Variants in PRSS12 observed in about 807,000 individuals in gnomAD.
PRSS12 encodes neurotrypsin.
A neutral mutation model predicts 104.4 loss-of-function variants in PRSS12; 85 were observed. The observed-to-expected ratio is 0.81, with a 90% CI of 0.68 to 0.98. The LOEUF is 0.98. Ranked by LOEUF, PRSS12 falls within the 50% of genes least tolerant of loss-of-function variation. PRSS12 has a pLI of 0.00. For missense variants in PRSS12, 1,141 were observed against 1,139.2 expected (o/e 1.00, Z -0.02); for synonymous variants, 454 against 425.2 (o/e 1.07, Z -0.83).
In PRSS12 at chr4:118,282,171, T is replaced by C. The variant is rs199612460; in HGVS notation, c.2393A>G (p.Tyr798Cys). The C allele has an allele frequency of 5.5e-5, 88 of 1,614,226 alleles. No homozygotes were observed. The Admixed American group carries it at 8.5e-4, about 16-fold the overall frequency. Residue 798 changes from tyrosine to cysteine, a missense_variant, in exon 13 of 13, where the codon TAT becomes TGT. Transcript: ENST00000296498. ...LLPKRFCEERYKGRFTGRMLC... is the reference protein window; with the variant it reads ...LLPKRFCEERCKGRFTGRMLC... ...CATTCTCCCTGTAAACCGACCCTTA[T>C]AACGTTCTTCACAAAACCTTTTAGG... is the stretch of plus-strand genomic sequence containing the variant.
intron 1 of PRSS12, among the ~76,000 whole-genome samples, chr4:118,349,261 G>A (rs992664830): frequency 1.3e-5 from 2 of 151,922 alleles, no homozygotes; most frequent in Non-Finnish European, 2.9e-5. Context: ...AAAATATGTC[G>A]GGCATGGTAG....
At chr4:118,316,837 A>AAATATATATAT (rs35698159) in intron 5 of PRSS12, among the ~76,000 whole-genome samples, 4,410 of 98,816 alleles carry the variant, frequency 0.045, 196 homozygotes, top group South Asian at 0.083. Context: ...AAAAAAAAAA[A>AAATATATATAT]ATATATATAT....
intron 3 of PRSS12, 91 bp from the exon 4 acceptor site, chr4:118,331,957 A>G: frequency 6.8e-7 from 1 of 1,475,118 alleles, no homozygotes; most frequent in Non-Finnish European, 9.3e-7. Context: ...GCCATTCTCA[A>G]TAATTAAATA....
At chr4:118,298,685 G>A in intron 9 of PRSS12, 48 bp downstream of exon 9, 1 of 1,506,644 alleles carries the variant, frequency 6.6e-7, no homozygotes, top group South Asian at 1.1e-5. Context: ...GTAATGGAAT[G>A]GGAATTAGTA....
chr4:118,326,036 A>T (rs2126038513), intron 4 of PRSS12, among the ~76,000 whole-genome samples: 1 of 152,306 alleles, frequency 6.6e-6, no homozygotes, highest in African/African-American at 2.4e-5. Flanking sequence ...TCCCCCTTAC[A>T]TACACAGAAA....
At chr4:118,350,588 A>G (rs1724472507) in intron 1 of PRSS12, among the ~76,000 whole-genome samples, 1 of 152,210 alleles carries the variant, frequency 6.6e-6, no homozygotes, top group Admixed American at 6.5e-5. Flanking sequence ...AGTACAAATA[A>G]CTATTATGCA....
Position 118,282,067 on chromosome 4 carries a change from G to T in PRSS12, c.2497C>A (p.Arg833=). 6.2e-7 allele frequency: 1 copy of T among 1,614,180 alleles called. No homozygotes were observed. Among genetic ancestry groups the T allele is most frequent in the African/African-American group, 1.3e-5 (1 of 75,032 alleles). Residue 833 remains arginine (R), a synonymous_variant, in exon 13 of 13, where the codon CGG becomes AGG. Transcript: ENST00000296498. The part of the protein sequence containing the change: ...GDSGGPLMCE[R]PGESWVVYGV... ...TACACCACCCAGCTCTCTCCGGGCC[G>T]TTCACACATGAGTGGTCCTCCGCTG...
intron 8 of PRSS12, among the ~76,000 whole-genome samples, chr4:118,302,196 CAT>C (rs1743420005): frequency 6.6e-6 from 1 of 152,198 alleles, no homozygotes; most frequent in Non-Finnish European, 1.5e-5. Context: ...ATCACTCTTA[CAT>C]TCCTACAACA....
At chr4:118,334,077 G>T (rs960233698) in intron 3 of PRSS12, among the ~76,000 whole-genome samples, 3 of 152,106 alleles carry the variant, frequency 2.0e-5, no homozygotes, top group African/African-American at 7.2e-5. Context: ...GTATACTAAA[G>T]ATCTATCACT....
chr4:118,288,643 G>A (rs1216686383), intron 11 of PRSS12, among the ~76,000 whole-genome samples: 1 of 152,140 alleles, frequency 6.6e-6, no homozygotes. Context: ...GCAAAATCAG[G>A]TTTGTTATCA....
intron 11 of PRSS12, among the ~76,000 whole-genome samples, chr4:118,285,334 A>T (rs1742989676): frequency 1.3e-5 from 2 of 152,334 alleles, no homozygotes; most frequent in Non-Finnish European, 2.9e-5. Flanking sequence ...GAGAGTAATC[A>T]AGTACTTATT....
In PRSS12 at chr4:118,352,694, G is replaced by A. The variant is rs368965319; in HGVS notation, c.27C>T (p.Ala9=). 7 of 1,613,110 alleles carry A rather than the reference G, an allele frequency of 4.3e-6. No homozygotes were observed. Among genetic ancestry groups the A allele is most frequent in the Non-Finnish European group, 5.9e-6 (7 of 1,179,496 alleles). MTLARFVL[A]LMLGALPEVV... ...CTTCGGGGAGCGCCCCTAACATCAG[G>A]GCTAGCACGAAGCGGGCGAGCGTCA... Residue 9 remains alanine (A), a synonymous_variant, in exon 1 of 13, where the codon GCC becomes GCT. Transcript: ENST00000296498.
chr4:118,350,071 A>G (rs865859649), intron 1 of PRSS12, among the ~76,000 whole-genome samples: 99 of 152,306 alleles, frequency 6.5e-4, no homozygotes, highest in African/African-American at 2.4e-3. Flanking sequence ...TCAGTCCAGC[A>G]TCCAACACAG....
intron 4 of PRSS12, among the ~76,000 whole-genome samples, chr4:118,320,482 T>C (rs958988303): frequency 6.6e-6 from 1 of 152,214 alleles, no homozygotes. Context: ...CCAGACACAG[T>C]GGCTCACGCC....
rs778507241 is a variant in PRSS12, at chr4:118,331,700, A to G, written c.971+16T>C. 1.7e-5 allele frequency: 27 copies of G among 1,613,954 alleles called. No homozygotes were observed. The highest frequency in any genetic ancestry group is 1.7e-6 in the Non-Finnish European group (2 of 1,179,972). On this transcript the variant is annotated intron_variant, in intron 4 of 12. Transcript: ENST00000296498. ...GATTCAAAAGTTTAAGCAAAACAAG[A>G]GTAGTAAAAACAAACCTGAGGCCCA...
At chr4:118,341,406 GAC>G (rs1724204378) in intron 1 of PRSS12, among the ~76,000 whole-genome samples, 1 of 152,122 alleles carries the variant, frequency 6.6e-6, no homozygotes, top group African/African-American at 2.4e-5. Context: ...TTTATGGCTG[GAC>G]ACAGTGGCTC....
intron 7 of PRSS12, among the ~76,000 whole-genome samples, chr4:118,312,459 T>A (rs1217680096): frequency 7.3e-5 from 11 of 151,608 alleles, no homozygotes. Context: ...TTTCCCTCTG[T>A]ATTTTTCATT....
chr4:118,319,717 GC>G (rs987431391), intron 4 of PRSS12, among the ~76,000 whole-genome samples: 18 of 151,870 alleles, frequency 1.2e-4, no homozygotes, highest in Middle Eastern at 3.4e-3. Flanking sequence ...TCACTCTGTT[GC>G]CCAGGCTGGA....
At chr4:118,346,134 C>T (rs1054734143) in intron 1 of PRSS12, among the ~76,000 whole-genome samples, 7 of 152,220 alleles carry the variant, frequency 4.6e-5, no homozygotes, top group Admixed American at 4.6e-4. Flanking sequence ...GGAATAACCA[C>T]CAGCCTAAGA....
Sources: gnomAD v4.1 joint callset for allele counts (sites outside exome capture counted in the v4.1 genomes callset) on GRCh38, gnomAD v4.1.1 for gene constraint, MANE v1.5 for transcripts, NCBI Gene and HGNC (gene_info 2026-07-23, HGNC 2026-07-21) for gene names.